The following TBP variants were observed in gnomAD, a reference collection of about 807,000 sequenced individuals.
TBP encodes TATA-box binding protein, also known as TATA-box-binding protein.
In TBP, 12 loss-of-function variants were observed where a neutral mutation model predicts 46.2. The ratio of observed to expected loss-of-function variants is 0.26; its 90% confidence interval spans 0.17 to 0.42. The LOEUF (loss-of-function observed/expected upper bound fraction) is 0.42, where lower values mean the gene tolerates loss of function less well. Among genes scored for constraint, TBP ranks in the 10% least tolerant of loss-of-function variants. The pLI, the probability that TBP is intolerant of heterozygous loss-of-function variation, is 1.00. For synonymous variants in TBP, 157 were observed against 148.3 expected (o/e 1.06, Z -0.42); for missense variants, 229 against 403.1 (o/e 0.57, Z 3.70).
At chr6:170,568,818 T>TTC (rs1583133160) in intron 5 of TBP, among the ~76,000 whole-genome samples, 3 of 100,622 alleles carry the variant, frequency 3.0e-5, no homozygotes, top group Admixed American at 9.1e-5. Context: ...TCCTTTTCTT[T>TTC]TTTTTTTTTT....
At chr6:170,560,292 AGC>A (rs1271579403) in intron 2 of TBP, among the ~76,000 whole-genome samples, 1 of 152,190 alleles carries the variant, frequency 6.6e-6, no homozygotes. Flanking sequence ...CAAAGCTAGG[AGC>A]TCAAGACCAA....
rs549506775 is a variant in TBP, at chr6:170,572,577, C to CT, written c.*315dup. ...TGACAAGTTGGTTTGAGGGAGAAAA[C>CT]TTTAAGTGTTAAAGCCACCTCTATA... On this transcript the variant is annotated 3_prime_UTR_variant, in exon 8 of 8. Coordinates refer to ENST00000392092, the MANE Select transcript of TBP (RefSeq NM_003194.5). 1.4e-3 allele frequency: 422 copies of CT among 303,862 alleles called. 2 individuals carry two copies. Among genetic ancestry groups the CT allele is most frequent in the African/African-American group, 8.2e-3 (378 of 46,372 alleles). The allele number at this position is 303,862 out of a possible 1,614,324, so 18.8% of individuals were successfully genotyped here. A position where few individuals can be genotyped will look rare whatever the true frequency, so the allele number is the denominator to read the frequency against.
chr6:170,557,463 A>G (rs1158415984), intron 2 of TBP, among the ~76,000 whole-genome samples: 1 of 152,158 alleles, frequency 6.6e-6, no homozygotes, highest in Non-Finnish European at 1.5e-5. Flanking sequence ...GCCTGGGTGC[A>G]GTGGCTCACG....
At chr6:170,555,807 T>A (rs1779013021) in intron 1 of TBP, among the ~76,000 whole-genome samples, 1 of 152,214 alleles carries the variant, frequency 6.6e-6, no homozygotes, top group African/African-American at 2.4e-5. Flanking sequence ...CCATACCTGC[T>A]GTTATAATAC....
chr6:170,564,950 A>G (rs540830773), intron 4 of TBP, among the ~76,000 whole-genome samples: 41 of 152,256 alleles, frequency 2.7e-4, no homozygotes, highest in African/African-American at 9.6e-4. Flanking sequence ...TGAGGTCAGG[A>G]GTTCAAGACC....
chr6:170,571,202 C>T (rs1779360219), intron 6 of TBP, among the ~76,000 whole-genome samples: 2 of 152,118 alleles, frequency 1.3e-5, no homozygotes, highest in Admixed American at 1.3e-4. Flanking sequence ...GGACAAATAG[C>T]CTTCCATCCA....
Position 170,556,957 on chromosome 6 carries a change from C to T in TBP, c.-73C>T. On this transcript the variant is annotated 5_prime_UTR_variant, in exon 2 of 8. Coordinates refer to ENST00000392092, the MANE Select transcript of TBP (RefSeq NM_003194.5). Reference sequence around the variant, plus strand: ...CTGAGAAGAGTGTGCTGGAGATGCTCTAGGAAAAAATTGAATAGTGAGACG... The same window carrying T: ...CTGAGAAGAGTGTGCTGGAGATGCTTTAGGAAAAAATTGAATAGTGAGACG... The T allele has an allele frequency of 6.9e-7, 1 of 1,459,562 alleles. No homozygotes were observed. The highest frequency in any genetic ancestry group is 9.6e-7 in the Non-Finnish European group (1 of 1,042,002). The allele number at this position is 1,459,562 out of a possible 1,614,324, so 90.4% of individuals were successfully genotyped here. A position where few individuals can be genotyped will look rare whatever the true frequency, so the allele number is the denominator to read the frequency against.
chr6:170,562,370 C>T (rs1394837669), intron 3 of TBP, 137 bp downstream of exon 3: 1 of 1,018,890 alleles, frequency 9.8e-7, no homozygotes. Context: ...TTTGCTTTAT[C>T]TCACATTTGG....
intron 1 of TBP, among the ~76,000 whole-genome samples, chr6:170,555,618 G>A (rs1779007913): frequency 6.6e-6 from 1 of 152,092 alleles, no homozygotes; most frequent in African/African-American, 2.4e-5. Context: ...GATGGTCCCT[G>A]CTTTGTGAAA....
chr6:170,562,235 T>C lies in TBP; in HGVS notation c.497+2T>C. ...TTCTGGGATTGTACCGCAGCTGCAGTGAGTACTTCGTGTTTTATGTTTCCT... is the reference window on the plus strand; with the variant it reads ...TTCTGGGATTGTACCGCAGCTGCAGCGAGTACTTCGTGTTTTATGTTTCCT... On this transcript the variant is annotated splice_donor_variant, in intron 3 of 7. Transcript: ENST00000392092. LOFTEE classifies it high-confidence loss of function. 2 of 1,611,842 alleles carry C rather than the reference T, an allele frequency of 1.2e-6. No homozygotes were observed. The highest frequency in any genetic ancestry group is 1.7e-6 in the Non-Finnish European group (2 of 1,178,188).
chr6:170,570,030 A>G (rs1779341063), intron 6 of TBP, among the ~76,000 whole-genome samples: 1 of 152,074 alleles, frequency 6.6e-6, no homozygotes, highest in African/African-American at 2.4e-5. Flanking sequence ...CTACTTCTGT[A>G]TGTTTTATCG....
At chr6:170,564,961 A>C (rs1779217049) in intron 4 of TBP, among the ~76,000 whole-genome samples, 1 of 152,154 alleles carries the variant, frequency 6.6e-6, no homozygotes, top group Admixed American at 6.5e-5. Context: ...GTTCAAGACC[A>C]TCCTGGCCAA....
chr6:170,569,935 G>C (rs928182341), intron 6 of TBP, among the ~76,000 whole-genome samples, 156 bp downstream of exon 6: 7 of 152,120 alleles, frequency 4.6e-5, no homozygotes, highest in African/African-American at 1.7e-4. Context: ...GATGTTCTCA[G>C]TCATATTTAT....
chr6:170,562,608 T>C (rs1779170839), intron 3 of TBP, among the ~76,000 whole-genome samples: 1 of 152,214 alleles, frequency 6.6e-6, no homozygotes, highest in Non-Finnish European at 1.5e-5. Context: ...ACAATATCAG[T>C]ATAATTTCTG....
In TBP at chr6:170,566,958, C is replaced by A; in HGVS notation, c.626C>A (p.Thr209Asn). ...AVIMRIREPR[T>N]TALIFSSGKM... is the part of the protein sequence containing the mutation. The stretch of plus-strand genomic sequence containing the variant: ...ATCATGAGGATAAGAGAGCCACGAA[C>A]CACGGCACTGATTTTCAGTTCTGGG... Residue 209 changes from threonine (T) to asparagine (N), a missense_variant, in exon 5 of 8, where the codon ACC becomes AAC. Thr to Asn is a moderately conservative substitution (Grantham distance 65). This residue lies in a region of TBP where 67 missense variants were observed against 188.2 expected (regional missense o/e 0.36). Coordinates refer to ENST00000392092, the MANE Select transcript of TBP (RefSeq NM_003194.5). 2 of 1,613,694 alleles carry A rather than the reference C, an allele frequency of 1.2e-6. No homozygotes were observed. The highest frequency in any genetic ancestry group is 1.7e-6 in the Non-Finnish European group (2 of 1,179,792).
Position 170,562,101 on chromosome 6 carries a change from TC to T in TBP, c.367del (p.His123ThrfsTer21). On this transcript the variant is annotated frameshift_variant, in exon 3 of 8. Coordinates refer to ENST00000392092, the MANE Select transcript of TBP (RefSeq NM_003194.5). LOFTEE classifies it high-confidence loss of function. The part of the protein sequence containing the change: ...QGTSGQAPQL[F>X]HSQTLTTAPL... ...ACCTCAGGCCAGGCACCACAGCTCTTCCACTCACAGACTCTCACAACTGCAC... is the reference window on the plus strand; with the variant it reads ...ACCTCAGGCCAGGCACCACAGCTCTTCACTCACAGACTCTCACAACTGCAC... 1 of 1,613,976 alleles carries T rather than the reference TC, an allele frequency of 6.2e-7. No homozygotes were observed. Among genetic ancestry groups the T allele is most frequent in the Non-Finnish European group, 8.5e-7 (1 of 1,179,988 alleles).
At position 170,572,407 on chromosome 6, in the gene TBP, T is replaced by C. The variant is rs1779381268; in HGVS notation, c.*142T>C. 1.4e-6 allele frequency: 1 copy of C among 701,460 alleles called. No homozygotes were observed. The highest frequency in any genetic ancestry group is 1.8e-5 in the African/African-American group (1 of 55,484). The allele number at this position is 701,460 out of a possible 1,614,324, so 43.5% of individuals were successfully genotyped here. ...GGTGTGGCACCAGGTGATGCCCTTC[T>C]GTAAGTGCCCACCGCGGGATGCCGG... On this transcript the variant is annotated 3_prime_UTR_variant, in exon 8 of 8. Coordinates refer to ENST00000392092, the MANE Select transcript of TBP (RefSeq NM_003194.5).
In TBP at chr6:170,572,454, T is replaced by A. The variant is rs970476800; in HGVS notation, c.*189T>A. The A allele has an allele frequency of 2.3e-5, 14 of 608,122 alleles. No individual in the cohort carries two copies. The African/African-American group carries it at 2.4e-4, about 10-fold the overall frequency. 37.7% of individuals were successfully genotyped at this position (608,122 alleles called of 1,614,324 possible). ...CCGGGAAGGGGCATTATTTGTGCAC[T>A]GAGAACACCGCGCAGCGTGACTGTG... On this transcript the variant is annotated 3_prime_UTR_variant, in exon 8 of 8. Coordinates refer to ENST00000392092, the MANE Select transcript of TBP (RefSeq NM_003194.5).
chr6:170,556,968 T>TA lies in TBP; in HGVS notation c.-62_-61insA. On this transcript the variant is annotated 5_prime_UTR_variant, in exon 2 of 8. The change creates a new upstream start codon in the 5' untranslated region. Transcript: ENST00000392092. ...GTGCTGGAGATGCTCTAGGAAAAAA[T>TA]TGAATAGTGAGACGAGTTCCAGCGC... 1 of 1,550,760 alleles carries TA rather than the reference T, an allele frequency of 6.4e-7. No individual in the cohort carries two copies. The highest frequency in any genetic ancestry group is 8.9e-7 in the Non-Finnish European group (1 of 1,124,884).
Sources: gnomAD v4.1 joint callset for allele counts (sites outside exome capture counted in the v4.1 genomes callset) on GRCh38, gnomAD v4.1.1 for gene constraint, gnomAD v4.1.1 regional missense constraint, MANE v1.5 for transcripts, NCBI Gene and HGNC (gene_info 2026-07-23, HGNC 2026-07-21) for gene names.